The following KNOP1 variants were observed in gnomAD, a reference collection of about 807,000 sequenced individuals.
KNOP1 encodes the protein lysine rich nucleolar protein 1.
A neutral mutation model predicts 30.6 loss-of-function variants in KNOP1; 20 were observed. That is an observed-to-expected ratio of 0.65 (90% CI 0.46 to 0.95). KNOP1 has a LOEUF of 0.95. Among genes scored for constraint, KNOP1 ranks in the 40% least tolerant of loss-of-function variants. The pLI is 0.00. For synonymous variants in KNOP1, 204 were observed against 210.0 expected, an observed-to-expected ratio of 0.97 and a Z score of 0.25; for missense variants, 540 against 562.0, an observed-to-expected ratio of 0.96 and a Z score of 0.40.
intron 4 of KNOP1, among the ~76,000 whole-genome samples, chr16:19,708,060 A>G (rs115458892): frequency 0.012 from 1,824 of 150,418 alleles, 29 homozygotes; most frequent in African/African-American, 0.041. Flanking sequence ...CCTGCAACAC[A>G]GGGCACCCCA....
intron 4 of KNOP1, among the ~76,000 whole-genome samples, chr16:19,709,559 G>A (rs1976597796): frequency 6.6e-6 from 1 of 152,204 alleles, no homozygotes; most frequent in Non-Finnish European, 1.5e-5. Context: ...TGGCCGCTGA[G>A]GCCGAGGCCT....
rs759734033 is a variant in KNOP1, at chr16:19,711,401, C to CT, written c.957dup (p.Gly320ArgfsTer5). The stretch of plus-strand genomic sequence containing the variant: ...TCTATGTGCGCCTCATCCATGTTGC[C>CT]TTTTTTTTCCAACACCACCTCTAAG... On this transcript the variant is annotated frameshift_variant, in exon 3 of 5. Coordinates refer to ENST00000219837, the MANE Select transcript of KNOP1 (RefSeq NM_001012991.3). LOFTEE classifies it high-confidence loss of function. The CT allele has an allele frequency of 1.2e-6, 2 of 1,613,606 alleles. No individual in the cohort carries two copies. The highest frequency in any genetic ancestry group is 2.7e-5 in the African/African-American group (2 of 74,864).
intron 1 of KNOP1, 36 bp downstream of exon 1, chr16:19,718,122 C>G (rs1288492707): frequency 1.0e-5 from 15 of 1,445,898 alleles, no homozygotes; most frequent in Non-Finnish European, 9.9e-6. Flanking sequence ...CTCCACACCC[C>G]GCGCCGGCCC....
At position 19,714,902 on chromosome 16, in the gene KNOP1, C is replaced by G. The variant is rs922690133; in HGVS notation, c.134G>C (p.Arg45Thr). 8 of 1,613,850 alleles carry G rather than the reference C, an allele frequency of 5.0e-6. No individual in the cohort carries two copies. In the Admixed American group the frequency reaches 1.0e-4, roughly 20 times the overall value. Residue 45 changes from arginine to threonine, a missense_variant, in exon 2 of 5, where the codon AGA (arginine) becomes ACA (threonine). Arg to Thr is a moderately conservative substitution (Grantham distance 71). Transcript: ENST00000219837. Reference sequence around the variant, plus strand: ...CACACTCTTAGAGGGGGATGTAGCTCTTAAAGGAGAAACATCAGCAAAGTA... The same window carrying G: ...CACACTCTTAGAGGGGGATGTAGCTGTTAAAGGAGAAACATCAGCAAAGTA... ...DDYFADVSPLRATSPSKSVAH... is the reference protein window; with the variant it reads ...DDYFADVSPLTATSPSKSVAH...
In KNOP1 at chr16:19,703,856, A is replaced by C. The variant is rs1976257584; in HGVS notation, c.*3054T>G. On this transcript the variant is annotated 3_prime_UTR_variant, in exon 5 of 5. Transcript: ENST00000219837. Reference sequence around the variant, plus strand: ...TGCCCAACCTCCACTGGTGAGACGTAAAGTTCTTATGTATATAGAAAAGCA... The same window carrying C: ...TGCCCAACCTCCACTGGTGAGACGTCAAGTTCTTATGTATATAGAAAAGCA... 1 of 152,220 alleles carries C rather than the reference A, an allele frequency of 6.6e-6. No homozygotes were observed. The highest frequency in any genetic ancestry group is 1.5e-5 in the Non-Finnish European group (1 of 68,056). 9.4% of individuals were successfully genotyped at this position (152,220 alleles called of 1,614,324 possible).
rs185925067 is a variant in KNOP1 at position 19,706,764 on chromosome 16, C to T, written c.*146G>A. On this transcript the variant is annotated 3_prime_UTR_variant, in exon 5 of 5. Coordinates refer to ENST00000219837, the MANE Select transcript of KNOP1 (RefSeq NM_001012991.3). ...TATGCCTAGTGTTCCATTACTGGAA[C>T]GCTAAGCTTATGGGAGTTATTTATA... 3.4e-4 allele frequency: 277 copies of T among 806,086 alleles called. No individual in the cohort carries two copies. Among genetic ancestry groups the T allele is most frequent in the Middle Eastern group, 2.3e-3 (6 of 2,636 alleles). The allele number at this position is 806,086 out of a possible 1,614,324, so 49.9% of individuals were successfully genotyped here.
At chr16:19,713,163 G>A (rs988988377) in intron 2 of KNOP1, among the ~76,000 whole-genome samples, 3 of 151,942 alleles carry the variant, frequency 2.0e-5, no homozygotes, top group Non-Finnish European at 4.4e-5. Flanking sequence ...TGGCATGTCG[G>A]CCCACTGCAA....
rs746554706 is a variant in KNOP1, at chr16:19,707,107, CG to C, written c.1179del (p.Ala394ProfsTer31). 1.4e-5 allele frequency: 23 copies of C among 1,614,016 alleles called. No homozygotes were observed. The African/African-American group carries it at 2.9e-4, about 21-fold the overall frequency. On this transcript the variant is annotated frameshift_variant, in exon 5 of 5. Coordinates refer to ENST00000219837, the MANE Select transcript of KNOP1 (RefSeq NM_001012991.3). LOFTEE classifies it low-confidence loss of function (END_TRUNC). ...ATGTTGGGCCTTGCAATCGTGCTGG[CG>C]GGGCGGCTGAACGAAGGGGACAGGT... ...FKNLSPSFSR[P>X]ASTIARPNMA...
chr16:19,714,275 T>G lies in KNOP1; in HGVS notation c.761A>C (p.Glu254Ala), dbSNP rs1976871701. 6.2e-7 allele frequency: 1 copy of G among 1,614,194 alleles called. No individual in the cohort carries two copies. The highest frequency in any genetic ancestry group is 8.5e-7 in the Non-Finnish European group (1 of 1,180,034). Residue 254 changes from glutamate (E) to alanine (A), a missense_variant, in exon 2 of 5, where the codon GAA (glutamate) becomes GCA (alanine). Glu to Ala is a moderately radical substitution (Grantham distance 107). Transcript: ENST00000219837. ...AGGGTCATCACTTATGGGGATGTAT[T>G]CCGGAGCCTCAACTTTGACTGGCTT... The part of the protein sequence containing the change: ...KKKPVKVEAP[E>A]YIPISDDPKA...
Position 19,710,561 on chromosome 16 carries a change from T to C in KNOP1, c.1013A>G (p.Glu338Gly). ...CGTTTTGCCTGACTCGCGATCGATC[T>C]CTTCTTGCAAGGCCTTTCGCCTCAC... ...DQVRRKALQEEIDRESGKTEA... is the reference protein window; with the variant it reads ...DQVRRKALQEGIDRESGKTEA... Residue 338 changes from glutamate to glycine, a missense_variant, in exon 4 of 5, where the codon GAG (glutamate) becomes GGG (glycine). Coordinates refer to ENST00000219837, the MANE Select transcript of KNOP1 (RefSeq NM_001012991.3). The C allele has an allele frequency of 3.1e-6, 5 of 1,612,336 alleles. No homozygotes were observed. The highest frequency in any genetic ancestry group is 4.2e-6 in the Non-Finnish European group (5 of 1,180,016).
At chr16:19,710,235 T>C (rs1976636616) in intron 4 of KNOP1, 2 of 534,314 alleles carry the variant, frequency 3.7e-6, no homozygotes, top group Admixed American at 6.3e-5. Context: ...TGATTAATCC[T>C]TAGGACACCC....
rs2151639399 is a variant in KNOP1 at position 19,705,140 on chromosome 16, G to C, written c.*1770C>G. ...GGGTCTTGATATGCTGCCTGGAACT[G>C]TTACTGCCATCTTTGTACTAGCCTT... On this transcript the variant is annotated 3_prime_UTR_variant, in exon 5 of 5. Transcript: ENST00000219837. The C allele has an allele frequency of 2.2e-6, 1 of 456,040 alleles. No homozygotes were observed. Among genetic ancestry groups the C allele is most frequent in the South Asian group, 1.5e-5 (1 of 64,558 alleles). The allele number at this position is 456,040 out of a possible 1,614,324, so 28.2% of individuals were successfully genotyped here.
At position 19,703,091 on chromosome 16, in the gene KNOP1, A is replaced by C. The variant is rs1186809081; in HGVS notation, c.*3819T>G. ...TCTATTGTTACTTTAACAAATTGCC[A>C]CAATTGTAGCGGCTTAAAACATAAT... On this transcript the variant is annotated 3_prime_UTR_variant, in exon 5 of 5. Transcript: ENST00000219837. 6.6e-6 allele frequency: 1 copy of C among 152,088 alleles called. No homozygotes were observed. The highest frequency in any genetic ancestry group is 2.1e-4 in the South Asian group (1 of 4,818). 9.4% of individuals were successfully genotyped at this position (152,088 alleles called of 1,614,324 possible). A position where few individuals can be genotyped will look rare whatever the true frequency, so the allele number is the denominator to read the frequency against.
At chr16:19,710,653 A>C (rs1327440626) in intron 3 of KNOP1, 67 bp from the exon 4 acceptor site, 2 of 1,339,850 alleles carry the variant, frequency 1.5e-6, no homozygotes, top group Non-Finnish European at 2.1e-6. Context: ...AAAACCCAGG[A>C]CAGAGACGGG....
chr16:19,705,862 A>C lies in KNOP1; in HGVS notation c.*1048T>G, dbSNP rs1976333048. 1 of 152,504 alleles carries C rather than the reference A, an allele frequency of 6.6e-6. No homozygotes were observed. The highest frequency in any genetic ancestry group is 2.1e-4 in the South Asian group (1 of 4,840). The allele number at this position is 152,504 out of a possible 1,614,324, so 9.4% of individuals were successfully genotyped here. A position where few individuals can be genotyped will look rare whatever the true frequency, so the allele number is the denominator to read the frequency against. On this transcript the variant is annotated 3_prime_UTR_variant, in exon 5 of 5. Transcript: ENST00000219837. ...AAGCCGTGATATGCCACTACACTCCAGCCTGGGTGACAGAGTGAGAGCCTA... is the reference window on the plus strand; with the variant it reads ...AAGCCGTGATATGCCACTACACTCCCGCCTGGGTGACAGAGTGAGAGCCTA...
Position 19,704,167 on chromosome 16 carries a change from C to T in KNOP1, c.*2743G>A, listed in dbSNP as rs1338163572. On this transcript the variant is annotated 3_prime_UTR_variant, in exon 5 of 5. Coordinates refer to ENST00000219837, the MANE Select transcript of KNOP1 (RefSeq NM_001012991.3). ...TGGCACCATCCCAGCTCACTACAAC[C>T]TCCACCTCCCGGGTTCAAGCGATTC... The T allele has an allele frequency of 6.6e-6, 1 of 152,250 alleles. No homozygotes were observed. The highest frequency in any genetic ancestry group is 1.5e-5 in the Non-Finnish European group (1 of 68,112). The allele number at this position is 152,250 out of a possible 1,614,324, so 9.4% of individuals were successfully genotyped here. A position where few individuals can be genotyped will look rare whatever the true frequency, so the allele number is the denominator to read the frequency against.
At chr16:19,715,779 T>G (rs532228683) in intron 1 of KNOP1, among the ~76,000 whole-genome samples, 54 of 152,190 alleles carry the variant, frequency 3.5e-4, no homozygotes, top group African/African-American at 1.2e-3. Flanking sequence ...GTCACAATGA[T>G]GCACAGTACT....
intron 4 of KNOP1, among the ~76,000 whole-genome samples, chr16:19,708,332 C>T (rs1003759719): frequency 6.6e-6 from 1 of 152,048 alleles, no homozygotes; most frequent in African/African-American, 2.4e-5. Flanking sequence ...ACCCCCTTCT[C>T]CCAGGTCGGT....
In KNOP1 at chr16:19,714,234, T is replaced by C; in HGVS notation, c.802A>G (p.Lys268Glu). The part of the protein sequence containing the change: ...ISDDPKASAK[K>E]KMKSKKKVEQ... ...ACCTTCTTTTTGGACTTCATCTTTT[T>C]CTTTGCGGAGGCCTTAGGGTCATCA... Residue 268 changes from lysine to glutamate, a missense_variant, in exon 2 of 5, where the codon AAA becomes GAA. Lys to Glu is a moderately conservative substitution (Grantham distance 56, BLOSUM62 1). Transcript: ENST00000219837. 6.2e-7 allele frequency: 1 copy of C among 1,614,140 alleles called. No individual in the cohort carries two copies. Among genetic ancestry groups the C allele is most frequent in the Admixed American group, 1.7e-5 (1 of 60,012 alleles).
Sources: gnomAD v4.1 joint callset for allele counts (sites outside exome capture counted in the v4.1 genomes callset) on GRCh38, gnomAD v4.1.1 for gene constraint, MANE v1.5 for transcripts, NCBI Gene and HGNC (gene_info 2026-07-23, HGNC 2026-07-21) for gene names.